Variants in PPP3CC observed in about 807,000 individuals in gnomAD.
PPP3CC encodes protein phosphatase 3 catalytic subunit gamma, also known as serine/threonine-protein phosphatase 2B catalytic subunit gamma isoform.
A neutral mutation model predicts 60.3 loss-of-function variants in PPP3CC; 35 were observed. The ratio of observed to expected loss-of-function variants is 0.58; its 90% CI spans 0.44 to 0.77. The LOEUF (loss-of-function observed/expected upper bound fraction) is 0.77. PPP3CC is among the 30% of genes least tolerant of loss of function. The pLI is 0.00. For missense variants in PPP3CC, 570 were observed against 628.9 expected, an observed-to-expected ratio of 0.91 and a Z score of 1.00; for synonymous variants, 206 against 224.3, an observed-to-expected ratio of 0.92 and a Z score of 0.73.
chr8:22,530,605 G>C (rs1563788532), intron 10 of PPP3CC, among the ~76,000 whole-genome samples: 1 of 151,104 alleles, frequency 6.6e-6, no homozygotes, highest in Non-Finnish European at 1.5e-5. Context: ...GGCTGAGGCA[G>C]GTGGATCATG....
At chr8:22,506,917 C>G (rs1004806811) in intron 4 of PPP3CC, among the ~76,000 whole-genome samples, 1 of 149,874 alleles carries the variant, frequency 6.7e-6, no homozygotes, top group African/African-American at 2.5e-5. Context: ...ACTCCAGTCT[C>G]TCAAATAAAT....
At chr8:22,455,248 C>G (rs1837162033) in intron 1 of PPP3CC, among the ~76,000 whole-genome samples, 1 of 152,100 alleles carries the variant, frequency 6.6e-6, no homozygotes, top group Non-Finnish European at 1.5e-5. Flanking sequence ...TTGAAAAGTA[C>G]TCATGCGGTG....
At position 22,536,673 on chromosome 8, in the gene PPP3CC, ATTC is replaced by A. The variant is rs1339338869; in HGVS notation, c.1322-2793_1322-2791del. ...TGGAGCCAACTTTTTAGAGTTTCTT[ATTC>A]TTATTGATTCACAGGAAGTGAGTTT... On this transcript the variant is annotated intron_variant, in intron 12 of 13. Transcript: ENST00000240139. Among the ~76,000 whole-genome samples the A allele has an allele frequency of 1.2e-4, 19 of 152,298 alleles. No individual in the cohort carries two copies. The East Asian group carries it at 2.7e-3, about 22-fold the overall frequency.
chr8:22,442,604 A>G (rs1318096715), intron 1 of PPP3CC, among the ~76,000 whole-genome samples: 1 of 152,168 alleles, frequency 6.6e-6, no homozygotes, highest in Non-Finnish European at 1.5e-5. Flanking sequence ...TCTGCTTAGC[A>G]TTTGTATGCT....
chr8:22,445,446 G>A (rs1836793308), intron 1 of PPP3CC, among the ~76,000 whole-genome samples: 1 of 152,122 alleles, frequency 6.6e-6, no homozygotes, highest in South Asian at 2.1e-4. Context: ...AGAAAAGAAA[G>A]ACTTCATATT....
intron 4 of PPP3CC, among the ~76,000 whole-genome samples, chr8:22,499,559 C>A (rs2132515922): frequency 6.6e-6 from 1 of 152,312 alleles, no homozygotes; most frequent in Non-Finnish European, 1.5e-5. Context: ...GAGTTCTACA[C>A]CAGCCTTGGC....
rs1243603202 is a variant in PPP3CC, at chr8:22,532,366, G to A, written c.1223+60G>A. ...GCATTTTGAGAGTAAATTAGACGTCGAATTCAGAACAGTTTTTTTATAATT... is the reference window on the plus strand; with the variant it reads ...GCATTTTGAGAGTAAATTAGACGTCAAATTCAGAACAGTTTTTTTATAATT... On this transcript the variant is annotated intron_variant, in intron 11 of 13. Transcript: ENST00000240139. 6.4e-6 allele frequency: 9 copies of A among 1,399,204 alleles called. No homozygotes were observed. In the East Asian group the frequency reaches 6.9e-5, roughly 11 times the overall value. 86.7% of individuals were successfully genotyped at this position (1,399,204 alleles called of 1,614,324 possible).
At chr8:22,490,374 A>T (rs893156848) in intron 3 of PPP3CC, among the ~76,000 whole-genome samples, 5 of 152,108 alleles carry the variant, frequency 3.3e-5, no homozygotes, top group African/African-American at 1.2e-4. Context: ...CTTTGAGATG[A>T]ATGTGACCAT....
chr8:22,464,846 C>T lies in PPP3CC; in HGVS notation c.50-10108C>T, dbSNP rs529138531. 2.0e-5 allele frequency among the ~76,000 whole-genome samples: 3 copies of T among 152,252 alleles called. No homozygotes were observed. The East Asian group carries it at 5.8e-4, about 29-fold the overall frequency. The stretch of plus-strand genomic sequence containing the variant: ...CAGCTGGGATTATTGACCATATACC[C>T]ACTTTACTGGAGAATGAGTATGCCA... On this transcript the variant is annotated intron_variant, in intron 1 of 13. Coordinates refer to ENST00000240139, the MANE Select transcript of PPP3CC (RefSeq NM_005605.5).
intron 1 of PPP3CC, among the ~76,000 whole-genome samples, chr8:22,473,528 A>G (rs1236983443): frequency 1.3e-5 from 2 of 151,742 alleles, no homozygotes; most frequent in East Asian, 1.9e-4. Context: ...CAGTGTCACA[A>G]TCTCGGCTCA....
chr8:22,515,216 G>A (rs750310848), intron 6 of PPP3CC, among the ~76,000 whole-genome samples: 14 of 152,024 alleles, frequency 9.2e-5, no homozygotes, highest in Admixed American at 4.6e-4. Flanking sequence ...AAGTGAGAAC[G>A]TGTGAAGTTT....
chr8:22,525,370 T>A (rs1428798747), intron 8 of PPP3CC, among the ~76,000 whole-genome samples: 1 of 152,106 alleles, frequency 6.6e-6, no homozygotes, highest in Non-Finnish European at 1.5e-5. Context: ...AAAAGGGAAC[T>A]CTATTATTCT....
rs376480551 is a variant in PPP3CC at position 22,449,178 on chromosome 8, G to A, written c.49+7720G>A. On this transcript the variant is annotated intron_variant, in intron 1 of 13. Transcript: ENST00000240139. ...TGAAGAAATGGCTTGGCTGGGCGCA[G>A]TGGCTCATGCCTGTAATCCCAGTAC... Among the ~76,000 whole-genome samples, 46 of 152,322 alleles carry A rather than the reference G, an allele frequency of 3.0e-4. No individual in the cohort carries two copies. The East Asian group carries it at 7.3e-3, about 24-fold the overall frequency.
chr8:22,528,357 G>A, intron 9 of PPP3CC, 149 bp from the exon 10 acceptor site: 1 of 434,376 alleles, frequency 2.3e-6, no homozygotes, highest in Non-Finnish European at 4.0e-6. Flanking sequence ...TTACATTTAT[G>A]CTACTTTTTA....
intron 3 of PPP3CC, among the ~76,000 whole-genome samples, chr8:22,480,248 G>T (rs148906725): frequency 1.3e-3 from 194 of 152,198 alleles, no homozygotes; most frequent in African/African-American, 4.4e-3. Context: ...TCAGAATTAA[G>T]ACTGAGTTAT....
At chr8:22,443,928 C>T (rs1836750155) in intron 1 of PPP3CC, among the ~76,000 whole-genome samples, 1 of 152,192 alleles carries the variant, frequency 6.6e-6, no homozygotes, top group Non-Finnish European at 1.5e-5. Context: ...TTATTCACAG[C>T]TTGAAAGCTT....
intron 1 of PPP3CC, among the ~76,000 whole-genome samples, chr8:22,461,736 A>T (rs75502256): frequency 0.065 from 9,880 of 152,204 alleles, 1,089 homozygotes; most frequent in African/African-American, 0.23. Context: ...AGGAAAGAGG[A>T]CATACAGGAT....
At chr8:22,531,438 C>T (rs1042392880) in intron 10 of PPP3CC, 72 of 1,110,634 alleles carry the variant, frequency 6.5e-5, no homozygotes, top group South Asian at 6.1e-4. Context: ...GCTCTCCATC[C>T]GCCCCTTCAG....
rs897163844 is a variant in PPP3CC, at chr8:22,496,090, G to GT, written c.373-1901dup. Among the ~76,000 whole-genome samples the GT allele has an allele frequency of 2.8e-4, 42 of 150,140 alleles. 2 individuals are homozygous for GT. The highest frequency in any genetic ancestry group is 5.9e-4 in the East Asian group (3 of 5,106). On this transcript the variant is annotated intron_variant, in intron 3 of 13. Coordinates refer to ENST00000240139, the MANE Select transcript of PPP3CC (RefSeq NM_005605.5). ...GTGTGAGATGTGGATCTAACTTTAT[G>GT]TTTTTTTTTTAAAATGGCAACCACT...
Sources: gnomAD v4.1 joint callset for allele counts (sites outside exome capture counted in the v4.1 genomes callset) on GRCh38, gnomAD v4.1.1 for gene constraint, MANE v1.5 for transcripts, NCBI Gene and HGNC (gene_info 2026-07-23, HGNC 2026-07-21) for gene names.